Variants in BMP6 observed in about 807,000 individuals in gnomAD.
BMP6 encodes bone morphogenetic protein 6.
In BMP6, 17 loss-of-function variants were observed where a neutral mutation model predicts 54.1. That is an observed-to-expected ratio of 0.31 (90% confidence interval 0.22 to 0.47). The LOEUF (loss-of-function observed/expected upper bound fraction) is 0.47. Ranked by LOEUF, BMP6 falls within the 20% of genes least tolerant of loss-of-function variation. BMP6 has a pLI of 1.00. For missense variants in BMP6, 720 were observed against 690.4 expected, an observed-to-expected ratio of 1.04 and a Z score of -0.48; for synonymous variants, 328 against 291.2, an observed-to-expected ratio of 1.13 and a Z score of -1.28.
Position 7,856,336 on chromosome 6 carries a change from C to T in BMP6, c.858-5115C>T, listed in dbSNP as rs192037930. On this transcript the variant is annotated intron_variant, in intron 2 of 6. Transcript: ENST00000283147. ...GTAAGGAAAAAGTAAAAAGCATGAG[C>T]TTGACTCCTTAATTTTCTAAAATGA... 4.6e-5 allele frequency among the ~76,000 whole-genome samples: 7 copies of T among 152,058 alleles called. No individual in the cohort carries two copies. The East Asian group carries it at 1.4e-3, about 29-fold the overall frequency.
Position 7,726,952 on chromosome 6 carries a change from G to T in BMP6, c.-4G>T, listed in dbSNP as rs1275165182. 1.8e-6 allele frequency: 2 copies of T among 1,134,166 alleles called. No homozygotes were observed. The highest frequency in any genetic ancestry group is 1.6e-5 in the African/African-American group (1 of 60,746). The allele number at this position is 1,134,166 out of a possible 1,614,324, so 70.3% of individuals were successfully genotyped here. ...ATCCGCGGGGGCAGCCCGGCCGGGC[G>T]GGGATGCCGGGGCTGGGGCGGAGGG... On this transcript the variant is annotated 5_prime_UTR_variant, in exon 1 of 7. Transcript: ENST00000283147.
At chr6:7,836,977 C>T (rs909594784) in intron 1 of BMP6, among the ~76,000 whole-genome samples, 2 of 152,074 alleles carry the variant, frequency 1.3e-5, no homozygotes, top group Non-Finnish European at 2.9e-5. Context: ...ATGGAATGAC[C>T]ATGTTTCAAA....
chr6:7,760,608 C>T (rs996177652), intron 1 of BMP6, among the ~76,000 whole-genome samples: 1 of 152,160 alleles, frequency 6.6e-6, no homozygotes, highest in Non-Finnish European at 1.5e-5. Flanking sequence ...GCTGGGATTA[C>T]AGACGCCTGC....
At chr6:7,753,648 C>T (rs1757459631) in intron 1 of BMP6, among the ~76,000 whole-genome samples, 2 of 152,192 alleles carry the variant, frequency 1.3e-5, no homozygotes, top group Admixed American at 6.5e-5. Flanking sequence ...GGCAGTGAGA[C>T]TTTGCCTAGA....
In BMP6 at chr6:7,727,146, C is replaced by T. The variant is rs1311183318; in HGVS notation, c.191C>T (p.Ser64Leu). 2 of 1,572,642 alleles carry T rather than the reference C, an allele frequency of 1.3e-6. No homozygotes were observed. ...EQPPPSPQSS[S>L]GFLYRRLKTQ... ...CCGCCGCCGTCGCCGCAGTCCTCCT[C>T]GGGCTTCCTGTACCGGCGGCTCAAG... The change falls in exon 1 of 7, where the codon TCG (serine) becomes TTG (leucine). Residue 64 changes from serine (S) to leucine (L), a missense_variant. Ser to Leu is a moderately radical substitution (Grantham distance 145). Transcript: ENST00000283147.
At chr6:7,807,454 C>T (rs563943045) in intron 1 of BMP6, among the ~76,000 whole-genome samples, 28 of 151,944 alleles carry the variant, frequency 1.8e-4, no homozygotes, top group Admixed American at 1.1e-3. Flanking sequence ...CTGATTTTTG[C>T]ATTTTTAGTA....
chr6:7,868,876 C>T (rs1025736194), intron 4 of BMP6, among the ~76,000 whole-genome samples: 1 of 152,064 alleles, frequency 6.6e-6, no homozygotes. Context: ...CTCTCCCTCT[C>T]CCTCCCCACC....
intron 1 of BMP6, among the ~76,000 whole-genome samples, chr6:7,734,504 T>C (rs550044480): frequency 1.2e-4 from 18 of 152,196 alleles, no homozygotes; most frequent in Non-Finnish European, 2.4e-4. Flanking sequence ...AGCACAACCC[T>C]GGAAGAGCCG....
chr6:7,870,654 G>A (rs559733264), intron 4 of BMP6, among the ~76,000 whole-genome samples: 2 of 152,008 alleles, frequency 1.3e-5, no homozygotes, highest in Non-Finnish European at 2.9e-5. Context: ...AAAAAAAACG[G>A]GTCTCACTCT....
At chr6:7,748,142 T>G (rs761317119) in intron 1 of BMP6, among the ~76,000 whole-genome samples, 1 of 151,818 alleles carries the variant, frequency 6.6e-6, no homozygotes, top group South Asian at 2.1e-4. Flanking sequence ...TGTTTGAATA[T>G]GGGCCTTACC....
intron 1 of BMP6, among the ~76,000 whole-genome samples, chr6:7,799,536 G>C (rs1430843712): frequency 6.6e-6 from 1 of 152,020 alleles, no homozygotes; most frequent in Non-Finnish European, 1.5e-5. Context: ...AAGGAGTATA[G>C]ACAATGATGA....
At chr6:7,867,215 C>G (rs1759438293) in intron 4 of BMP6, among the ~76,000 whole-genome samples, 1 of 152,122 alleles carries the variant, frequency 6.6e-6, no homozygotes, top group African/African-American at 2.4e-5. Context: ...TTTCCCACCC[C>G]CAAACATGTA....
At chr6:7,873,759 T>TTGG in intron 4 of BMP6, among the ~76,000 whole-genome samples, 1 of 152,190 alleles carries the variant, frequency 6.6e-6, no homozygotes, top group South Asian at 2.1e-4. Context: ...TTGTCAAAGC[T>TTGG]TGGTGCCAGG....
intron 2 of BMP6, among the ~76,000 whole-genome samples, chr6:7,855,334 C>T (rs1759208613): frequency 6.6e-6 from 1 of 152,130 alleles, no homozygotes; most frequent in Admixed American, 6.5e-5. Context: ...TCTCAGGCCC[C>T]TCCCCAAGCT....
intron 1 of BMP6, among the ~76,000 whole-genome samples, chr6:7,728,424 C>T (rs1313120382): frequency 6.6e-6 from 1 of 152,186 alleles, no homozygotes; most frequent in Non-Finnish European, 1.5e-5. Flanking sequence ...TGCCAGGCAA[C>T]AGAATGGAAA....
chr6:7,801,966 T>C (rs892820248), intron 1 of BMP6, among the ~76,000 whole-genome samples: 2 of 152,154 alleles, frequency 1.3e-5, no homozygotes, highest in African/African-American at 2.4e-5. Flanking sequence ...CAGAAATTCA[T>C]AGAAGGCCCC....
At chr6:7,749,003 C>G (rs1757385562) in intron 1 of BMP6, among the ~76,000 whole-genome samples, 1 of 152,186 alleles carries the variant, frequency 6.6e-6, no homozygotes, top group Non-Finnish European at 1.5e-5. Flanking sequence ...ACCTGTAGTA[C>G]CACCATTTTG....
intron 1 of BMP6, among the ~76,000 whole-genome samples, chr6:7,738,322 T>C (rs1367881432): frequency 2.0e-5 from 3 of 152,202 alleles, no homozygotes. Flanking sequence ...AACCTTCTCC[T>C]GTTGTCCTCA....
intron 1 of BMP6, among the ~76,000 whole-genome samples, chr6:7,835,726 A>G (rs922747143): frequency 6.6e-6 from 1 of 152,154 alleles, no homozygotes; most frequent in African/African-American, 2.4e-5. Flanking sequence ...TTTCTTCCCA[A>G]CGCATGTTTA....
Sources: gnomAD v4.1 joint callset for allele counts (sites outside exome capture counted in the v4.1 genomes callset) on GRCh38, gnomAD v4.1.1 for gene constraint, MANE v1.5 for transcripts, NCBI Gene and HGNC (gene_info 2026-07-23, HGNC 2026-07-21) for gene names.